Variants in CDH8 observed in about 807,000 individuals in gnomAD.
CDH8 encodes cadherin 8, also known as cadherin-8.
A neutral mutation model predicts 68.1 loss-of-function variants in CDH8; 17 were observed. The observed-to-expected ratio is 0.25, with a 90% CI of 0.17 to 0.37. The LOEUF is 0.37. Ranked by LOEUF, CDH8 falls within the 10% of genes least tolerant of loss-of-function variation. The pLI is 1.00. For synonymous variants in CDH8, 372 were observed against 365.1 expected (o/e 1.02, Z -0.21); for missense variants, 763 against 999.3 (o/e 0.76, Z 3.19).
chr16:61,736,467 T>C (rs555770378), intron 8 of CDH8, among the ~76,000 whole-genome samples: 53 of 152,340 alleles, frequency 3.5e-4, no homozygotes, highest in Non-Finnish European at 5.4e-4. Flanking sequence ...TTCATTTTGT[T>C]TAGCCCTAAG....
At chr16:61,673,447 T>G (rs954436029) in intron 10 of CDH8, among the ~76,000 whole-genome samples, 46 of 152,294 alleles carry the variant, frequency 3.0e-4, no homozygotes, top group Middle Eastern at 3.4e-3. Context: ...TCTTTAACTG[T>G]GAATTCAGAT....
At chr16:61,659,415 C>G in intron 10 of CDH8, among the ~76,000 whole-genome samples, 1 of 152,148 alleles carries the variant, frequency 6.6e-6, no homozygotes, top group East Asian at 1.9e-4. Context: ...CTGCAGCGAG[C>G]AGTTGGAGGA....
intron 10 of CDH8, among the ~76,000 whole-genome samples, chr16:61,686,921 T>C (rs1964121127): frequency 6.6e-6 from 1 of 151,818 alleles, no homozygotes; most frequent in Non-Finnish European, 1.5e-5. Context: ...AAATAAATAG[T>C]TCATTACAGC....
At chr16:61,683,434 T>C (rs902214467) in intron 10 of CDH8, among the ~76,000 whole-genome samples, 3 of 152,000 alleles carry the variant, frequency 2.0e-5, no homozygotes, top group African/African-American at 4.8e-5. Flanking sequence ...ATAATGTGTG[T>C]AGATTCCCTA....
At chr16:61,813,853 G>C (rs1372672162) in intron 7 of CDH8, among the ~76,000 whole-genome samples, 1 of 152,118 alleles carries the variant, frequency 6.6e-6, no homozygotes, top group Non-Finnish European at 1.5e-5. Flanking sequence ...CACAGGTCCT[G>C]ATATATACCA....
Position 62,021,231 on chromosome 16 carries a change from C to T in CDH8, c.173G>A (p.Arg58His), listed in dbSNP as rs765500932. 6.2e-7 allele frequency: 1 copy of T among 1,613,968 alleles called. No homozygotes were observed. The highest frequency in any genetic ancestry group is 1.1e-5 in the South Asian group (1 of 91,078). The stretch of plus-strand genomic sequence containing the variant: ...ATTCCAAACCCAGCCTCTTTTGGAG[C>T]GGTTCAAAATTCGCTGTTCTTCACC... ...SLGEEQRILN[R>H]SKRGWVWNQM... is the part of the protein sequence containing the mutation. Residue 58 changes from arginine (R) to histidine (H), a missense_variant, in exon 2 of 12, where the codon CGC (arginine) becomes CAC (histidine). This residue lies in a region of CDH8 where 366 missense variants were observed against 563.1 expected (regional missense o/e 0.65). Coordinates refer to ENST00000577390, the MANE Select transcript of CDH8 (RefSeq NM_001796.5).
chr16:61,978,582 A>G (rs1298415556), intron 2 of CDH8, among the ~76,000 whole-genome samples: 1 of 152,070 alleles, frequency 6.6e-6, no homozygotes, highest in African/African-American at 2.4e-5. Flanking sequence ...AAGTTTGACT[A>G]TTGGCCATCT....
rs139555895 is a variant in CDH8 at position 61,654,010 on chromosome 16, G to A, written c.1998C>T (p.Arg666=). Reference sequence around the variant, plus strand: ...CCTCCCCTCCTCCTTCATCATCGTAGCGAATGATGTTTTCTCGAACGTCTT... The same window carrying A: ...CCTCCCCTCCTCCTTCATCATCGTAACGAATGATGTTTTCTCGAACGTCTT... ...DDEDVRENII[R]YDDEGGGEED... The change falls in exon 12 of 12, where the codon CGC becomes CGT. Residue 666 remains arginine, a synonymous_variant. Transcript: ENST00000577390. 1.5e-4 allele frequency: 238 copies of A among 1,613,320 alleles called. 1 individual carries two copies. The highest frequency in any genetic ancestry group is 2.6e-5 in the Non-Finnish European group (31 of 1,179,462).
At chr16:61,952,584 T>C (rs1597086178) in intron 2 of CDH8, among the ~76,000 whole-genome samples, 1 of 152,178 alleles carries the variant, frequency 6.6e-6, no homozygotes, top group East Asian at 1.9e-4. Flanking sequence ...ATGAAAACCA[T>C]GGAGGAAACA....
intron 2 of CDH8, among the ~76,000 whole-genome samples, chr16:61,998,192 A>C (rs995029789): frequency 7.2e-5 from 11 of 152,210 alleles, no homozygotes; most frequent in Non-Finnish European, 1.6e-4. Context: ...GAAATGATAA[A>C]ATGAATGAAG....
At chr16:61,925,396 T>C (rs1964441396) in intron 2 of CDH8, among the ~76,000 whole-genome samples, 1 of 152,214 alleles carries the variant, frequency 6.6e-6, no homozygotes. Flanking sequence ...TTAATCTCAA[T>C]AAAATACTAT....
chr16:61,901,858 T>G (rs924727472), intron 2 of CDH8, among the ~76,000 whole-genome samples: 2 of 152,162 alleles, frequency 1.3e-5, no homozygotes, highest in Non-Finnish European at 2.9e-5. Flanking sequence ...GGTGAATCAC[T>G]TCTCATATAA....
intron 8 of CDH8, among the ~76,000 whole-genome samples, chr16:61,739,564 C>T (rs1426860978): frequency 6.6e-6 from 1 of 150,856 alleles, no homozygotes; most frequent in Non-Finnish European, 1.5e-5. Flanking sequence ...TAGGTTGGTG[C>T]AAAAGGAATT....
At chr16:61,791,118 C>T (rs1461315911) in intron 7 of CDH8, among the ~76,000 whole-genome samples, 1 of 151,788 alleles carries the variant, frequency 6.6e-6, no homozygotes, top group Non-Finnish European at 1.5e-5. Flanking sequence ...AATAACTGCC[C>T]ATTTAGTAAT....
chr16:61,733,335 A>C (rs1959586373), intron 8 of CDH8, among the ~76,000 whole-genome samples: 1 of 151,912 alleles, frequency 6.6e-6, no homozygotes, highest in Non-Finnish European at 1.5e-5. Context: ...CTAGTCTCCA[A>C]ATTTTCTGTA....
chr16:61,870,122 G>A (rs902781579), intron 3 of CDH8, among the ~76,000 whole-genome samples: 4 of 152,078 alleles, frequency 2.6e-5, no homozygotes, highest in East Asian at 1.9e-4. Flanking sequence ...CTTAAAAATC[G>A]ATGTATCTAG....
At chr16:61,696,899 A>G (rs1360415384) in intron 10 of CDH8, among the ~76,000 whole-genome samples, 4 of 152,134 alleles carry the variant, frequency 2.6e-5, no homozygotes, top group Non-Finnish European at 4.4e-5. Context: ...TGAAGTACAC[A>G]TGGACACAAA....
chr16:61,756,703 T>G (rs1283058502), intron 8 of CDH8, among the ~76,000 whole-genome samples: 2 of 152,194 alleles, frequency 1.3e-5, no homozygotes, highest in Admixed American at 1.3e-4. Context: ...CTTCAGCAGG[T>G]TTCTCAAAGT....
At chr16:61,987,746 T>A (rs1965652742) in intron 2 of CDH8, among the ~76,000 whole-genome samples, 1 of 144,372 alleles carries the variant, frequency 6.9e-6, no homozygotes. Context: ...TTTAGATTGG[T>A]AAAAAAAAAA....
Sources: allele counts gnomAD v4.1 joint callset (sites outside exome capture counted in the v4.1 genomes callset), GRCh38; gene constraint gnomAD v4.1.1; regional missense constraint gnomAD v4.1.1; transcripts MANE v1.5; gene names NCBI Gene and HGNC (gene_info 2026-07-23, HGNC 2026-07-21).